The following ZSWIM6 variants were observed in gnomAD, a reference collection of about 807,000 sequenced individuals.
The protein encoded by ZSWIM6 is zinc finger SWIM domain-containing protein 6.
A neutral mutation model predicts 113.2 loss-of-function variants in ZSWIM6; 9 were observed. The observed-to-expected ratio is 0.08, with a 90% confidence interval of 0.05 to 0.14. The LOEUF (loss-of-function observed/expected upper bound fraction) is 0.14, where lower values mean the gene tolerates loss of function less well. ZSWIM6 is among the 10% of genes least tolerant of loss of function. ZSWIM6 has a pLI of 1.00. For synonymous variants in ZSWIM6, 611 were observed against 606.5 expected, an observed-to-expected ratio of 1.01 and a Z score of -0.11; for missense variants, 1,162 against 1,552.2, an observed-to-expected ratio of 0.75 and a Z score of 4.22.
chr5:61,530,143 T>C lies in ZSWIM6; in HGVS notation c.1929T>C (p.Leu643=). The C allele has an allele frequency of 6.4e-7, 1 of 1,551,860 alleles. No individual in the cohort carries two copies. Among genetic ancestry groups the C allele is most frequent in the Middle Eastern group, 1.7e-4 (1 of 5,994 alleles). The stretch of plus-strand genomic sequence containing the variant: ...CTGTGGGCACTCTCTTCAGTAGCCT[T>C]ATGGAAGCCTGCCGCATTGATGATG... ...LDPVGTLFSS[L]MEACRIDDEN... is the part of the protein sequence containing the mutation. The change falls in exon 8 of 14, where the codon CTT becomes CTC. Residue 643 remains leucine, a synonymous_variant. Transcript: ENST00000252744.
intron 1 of ZSWIM6, among the ~76,000 whole-genome samples, chr5:61,436,647 T>C (rs1158821100): frequency 1.3e-5 from 2 of 152,220 alleles, no homozygotes; most frequent in Admixed American, 1.3e-4. Flanking sequence ...TACTAAATAT[T>C]AGGCAATGTG....
intron 9 of ZSWIM6, among the ~76,000 whole-genome samples, chr5:61,534,017 A>AC (rs1749512167): frequency 6.6e-6 from 1 of 152,130 alleles, no homozygotes; most frequent in South Asian, 2.1e-4. Flanking sequence ...TCAGGGCCCC[A>AC]CCCTTATGAC....
intron 1 of ZSWIM6, among the ~76,000 whole-genome samples, chr5:61,423,977 C>T (rs1746409011): frequency 6.6e-6 from 1 of 152,168 alleles, no homozygotes; most frequent in Non-Finnish European, 1.5e-5. Flanking sequence ...CCTTAAATTC[C>T]TGTGCCTGTG....
At chr5:61,466,975 A>G (rs1747449852) in intron 1 of ZSWIM6, among the ~76,000 whole-genome samples, 1 of 152,222 alleles carries the variant, frequency 6.6e-6, no homozygotes, top group South Asian at 2.1e-4. Flanking sequence ...GATGATTTGA[A>G]TATGTGTTCA....
intron 1 of ZSWIM6, among the ~76,000 whole-genome samples, chr5:61,335,570 C>T (rs1024288982): frequency 6.6e-6 from 1 of 152,156 alleles, no homozygotes; most frequent in African/African-American, 2.4e-5. Flanking sequence ...TGAGGTAGAA[C>T]GCTTTTGTTT....
At position 61,514,696 on chromosome 5, in the gene ZSWIM6, C is replaced by T. The variant is rs114005826; in HGVS notation, c.1334-6567C>T. 6.4e-3 allele frequency among the ~76,000 whole-genome samples: 976 copies of T among 152,208 alleles called. 8 individuals are homozygous for T. The highest frequency in any genetic ancestry group is 0.02 in the African/African-American group (847 of 41,538). ...TACTAATTTATTTTTGAATGTTAAA[C>T]TAGCTTTGCATTCCTGTGATAAACC... On this transcript the variant is annotated intron_variant, in intron 4 of 13. Transcript: ENST00000252744.
chr5:61,507,038 T>C (rs1748640761), intron 4 of ZSWIM6, among the ~76,000 whole-genome samples: 1 of 152,146 alleles, frequency 6.6e-6, no homozygotes, highest in African/African-American at 2.4e-5. Flanking sequence ...CACTGGACTT[T>C]CTTATTCACC....
intron 1 of ZSWIM6, among the ~76,000 whole-genome samples, chr5:61,371,672 C>T (rs1472586044): frequency 6.6e-6 from 1 of 152,120 alleles, no homozygotes; most frequent in Non-Finnish European, 1.5e-5. Flanking sequence ...GTCCAGGGAG[C>T]AATTAGGAGG....
At chr5:61,542,002 C>T (rs1275313909) in intron 13 of ZSWIM6, 37 bp downstream of exon 13, 1 of 1,517,676 alleles carries the variant, frequency 6.6e-7, no homozygotes, top group Non-Finnish European at 9.0e-7. Context: ...TCCTAGGTGC[C>T]TCATGGTAGG....
chr5:61,375,160 G>A, intron 1 of ZSWIM6: 3 of 1,613,146 alleles, frequency 1.9e-6, no homozygotes, highest in South Asian at 1.1e-5. Context: ...AATAGCAATG[G>A]CGAGATCAAG....
chr5:61,404,395 C>T (rs1746007115), intron 1 of ZSWIM6, among the ~76,000 whole-genome samples: 1 of 152,112 alleles, frequency 6.6e-6, no homozygotes, highest in Non-Finnish European at 1.5e-5. Flanking sequence ...TGAAAAATTT[C>T]AAAGGGCTGC....
At chr5:61,462,898 C>G (rs1413006787) in intron 1 of ZSWIM6, among the ~76,000 whole-genome samples, 2 of 152,198 alleles carry the variant, frequency 1.3e-5, no homozygotes, top group Admixed American at 1.3e-4. Context: ...TGCTAATTCT[C>G]TTTCCAGTCC....
At chr5:61,417,747 A>G (rs1489041120) in intron 1 of ZSWIM6, among the ~76,000 whole-genome samples, 2 of 152,206 alleles carry the variant, frequency 1.3e-5, no homozygotes, top group Non-Finnish European at 2.9e-5. Context: ...GTCTTTTTCT[A>G]TATTTAAATA....
intron 1 of ZSWIM6, among the ~76,000 whole-genome samples, chr5:61,373,749 C>T (rs1305043685): frequency 6.6e-6 from 1 of 152,158 alleles, no homozygotes; most frequent in Non-Finnish European, 1.5e-5. Context: ...GGCCCTTCAT[C>T]ATCTGGCCCC....
intron 4 of ZSWIM6, among the ~76,000 whole-genome samples, chr5:61,508,730 C>T (rs1428386474): frequency 1.3e-5 from 2 of 152,032 alleles, no homozygotes; most frequent in Non-Finnish European, 2.9e-5. Context: ...CTTCCTGGGC[C>T]CAAACCTTAC....
At chr5:61,526,031 T>C (rs1749270819) in intron 6 of ZSWIM6, 55 bp downstream of exon 6, 1 of 1,536,950 alleles carries the variant, frequency 6.5e-7, no homozygotes, top group South Asian at 1.2e-5. Context: ...GTTTAGTTTC[T>C]ATAGCATTAC....
intron 1 of ZSWIM6, among the ~76,000 whole-genome samples, chr5:61,425,520 T>C (rs1036541872): frequency 3.3e-5 from 5 of 152,216 alleles, no homozygotes; most frequent in Non-Finnish European, 1.5e-5. Context: ...CTGAGAGTTC[T>C]CATGTTCTAG....
At chr5:61,418,700 G>A (rs543585929) in intron 1 of ZSWIM6, among the ~76,000 whole-genome samples, 1 of 152,322 alleles carries the variant, frequency 6.6e-6, no homozygotes, top group East Asian at 1.9e-4. Flanking sequence ...ACAGAGACAA[G>A]GGAATGGTCT....
intron 13 of ZSWIM6, among the ~76,000 whole-genome samples, chr5:61,542,448 C>T (rs1164024659): frequency 1.3e-5 from 2 of 152,198 alleles, no homozygotes; most frequent in Admixed American, 6.5e-5. Flanking sequence ...TTCTCCACTG[C>T]AGCAGTAGAT....
Sources: gnomAD v4.1 joint callset for allele counts (sites outside exome capture counted in the v4.1 genomes callset) on GRCh38, gnomAD v4.1.1 for gene constraint, MANE v1.5 for transcripts, NCBI Gene and HGNC (gene_info 2026-07-23, HGNC 2026-07-21) for gene names.